PIGU: variants seen among roughly 807,000 people sequenced by gnomAD.
PIGU encodes phosphatidylinositol glycan anchor biosynthesis class U, also known as GPI-anchor transamidase component PIGU.
In PIGU, 24 loss-of-function variants were observed where a neutral mutation model predicts 49.9. The ratio of observed to expected loss-of-function variants is 0.48; its 90% CI spans 0.35 to 0.68. The LOEUF is 0.68. Ranked by LOEUF, PIGU falls within the 30% of genes least tolerant of loss-of-function variation. PIGU has a pLI of 0.01. For missense variants in PIGU, 490 were observed against 532.6 expected, an observed-to-expected ratio of 0.92 and a Z score of 0.79; for synonymous variants, 220 against 205.7, an observed-to-expected ratio of 1.07 and a Z score of -0.59.
chr20:34,666,595 A>T (rs1987102999), intron 1 of PIGU, among the ~76,000 whole-genome samples: 1 of 151,436 alleles, frequency 6.6e-6, no homozygotes. Context: ...GCAGTGGCAC[A>T]ATCAGCTCAC....
At chr20:34,652,214 A>C (rs1053893879) in intron 2 of PIGU, among the ~76,000 whole-genome samples, 1 of 152,108 alleles carries the variant, frequency 6.6e-6, no homozygotes, top group African/African-American at 2.4e-5. Context: ...TATGTTGCCC[A>C]GGCTGGTCTT....
intron 6 of PIGU, among the ~76,000 whole-genome samples, chr20:34,628,799 T>G (rs1214311149): frequency 7.2e-5 from 11 of 152,074 alleles, no homozygotes; most frequent in Non-Finnish European, 1.3e-4. Context: ...TGCAATGAAC[T>G]GAGATCATGT....
chr20:34,644,314 G>C, intron 3 of PIGU, 88 bp from the exon 4 acceptor site: 1 of 1,073,482 alleles, frequency 9.3e-7, no homozygotes, highest in Non-Finnish European at 1.4e-6. Flanking sequence ...TTTTGAGATA[G>C]TGATGGACTA....
intron 11 of PIGU, among the ~76,000 whole-genome samples, chr20:34,570,083 G>A (rs1259150274): frequency 1.3e-5 from 2 of 152,190 alleles, no homozygotes; most frequent in Non-Finnish European, 2.9e-5. Flanking sequence ...GGAAAACAAT[G>A]TAAAGGGCTG....
chr20:34,653,926 C>A (rs1322389717), intron 2 of PIGU, among the ~76,000 whole-genome samples: 1 of 151,676 alleles, frequency 6.6e-6, no homozygotes, highest in East Asian at 2.0e-4. Context: ...GGCACCATCT[C>A]GGCTCACTGC....
intron 6 of PIGU, among the ~76,000 whole-genome samples, chr20:34,632,372 C>T (rs1164190076): frequency 1.4e-5 from 2 of 144,006 alleles, no homozygotes; most frequent in African/African-American, 2.5e-5. Flanking sequence ...CTCATATACC[C>T]TTTTTTTTTT....
intron 6 of PIGU, among the ~76,000 whole-genome samples, chr20:34,621,660 G>GT (rs1243536020): frequency 6.6e-6 from 1 of 152,200 alleles, no homozygotes; most frequent in Admixed American, 6.5e-5. Context: ...GTAAAAAGGA[G>GT]TTAGGAAGGC....
At chr20:34,673,921 C>T (rs1381419459) in intron 1 of PIGU, among the ~76,000 whole-genome samples, 1 of 152,028 alleles carries the variant, frequency 6.6e-6, no homozygotes, top group East Asian at 1.9e-4. Context: ...GGCATGGTGG[C>T]ATGTGCCTGT....
At chr20:34,566,197 T>C (rs962341860) in intron 11 of PIGU, among the ~76,000 whole-genome samples, 7 of 152,246 alleles carry the variant, frequency 4.6e-5, no homozygotes, top group African/African-American at 1.4e-4. Flanking sequence ...GCTCATCTCC[T>C]GCCAGGAGTC....
intron 1 of PIGU, among the ~76,000 whole-genome samples, chr20:34,665,632 G>A (rs961560379): frequency 3.9e-5 from 6 of 151,982 alleles, no homozygotes; most frequent in East Asian, 3.9e-4. Context: ...GAGCCACCAC[G>A]CCTGGCCCAG....
intron 7 of PIGU, among the ~76,000 whole-genome samples, chr20:34,592,966 G>A (rs181775910): frequency 6.6e-6 from 1 of 151,998 alleles, no homozygotes; most frequent in East Asian, 1.9e-4. Context: ...CTTTAAAAAG[G>A]TATTTATAAT....
chr20:34,659,252 G>C (rs1439943557), intron 1 of PIGU, among the ~76,000 whole-genome samples: 4 of 106,876 alleles, frequency 3.7e-5, no homozygotes, highest in Non-Finnish European at 8.4e-5. Flanking sequence ...GGAGGGAGGT[G>C]GGGGGGTCAG....
At chr20:34,617,082 C>G (rs1600632068) in intron 6 of PIGU, among the ~76,000 whole-genome samples, 1 of 152,360 alleles carries the variant, frequency 6.6e-6, no homozygotes, top group East Asian at 1.9e-4. Context: ...AGCACTCCAG[C>G]CTGGGTGTCC....
At chr20:34,590,804 T>C (rs1325642509) in intron 7 of PIGU, among the ~76,000 whole-genome samples, 2 of 151,906 alleles carry the variant, frequency 1.3e-5, no homozygotes. Flanking sequence ...AAGCGGATCA[T>C]GAGGTCAGGA....
In PIGU at chr20:34,575,334, C is replaced by A. The variant is rs1423531246; in HGVS notation, c.1052-88G>T. 20 of 1,470,756 alleles carry A rather than the reference C, an allele frequency of 1.4e-5. No homozygotes were observed. In the African/African-American group the frequency reaches 2.4e-4, roughly 17 times the overall value. The allele number at this position is 1,470,756 out of a possible 1,614,324, so 91.1% of individuals were successfully genotyped here. On this transcript the variant is annotated intron_variant, in intron 10 of 11. Transcript: ENST00000217446. ...AATGGCCCCCCTGAATGGAGAGGCC[C>A]AAGGTGAGCATCATGTAGCTCAAAG... is the stretch of plus-strand genomic sequence containing the variant.
intron 1 of PIGU, among the ~76,000 whole-genome samples, chr20:34,659,182 C>T (rs1411571355): frequency 1.7e-4 from 23 of 135,532 alleles, no homozygotes; most frequent in Admixed American, 1.1e-3. Flanking sequence ...CCCGGCCAGC[C>T]GCCCCGTCCA....
chr20:34,620,587 G>A (rs368771797), intron 6 of PIGU, among the ~76,000 whole-genome samples: 24 of 152,082 alleles, frequency 1.6e-4, no homozygotes, highest in African/African-American at 4.6e-4. Flanking sequence ...TGAGGCGGGC[G>A]GATCACGAGG....
At chr20:34,646,061 G>C (rs1259577891) in intron 2 of PIGU, among the ~76,000 whole-genome samples, 1 of 152,058 alleles carries the variant, frequency 6.6e-6, no homozygotes, top group East Asian at 1.9e-4. Flanking sequence ...TCTCTGATAA[G>C]TTTGTATAAT....
At chr20:34,573,719 A>G (rs1278840322) in intron 11 of PIGU, among the ~76,000 whole-genome samples, 1 of 152,256 alleles carries the variant, frequency 6.6e-6, no homozygotes, top group Non-Finnish European at 1.5e-5. Flanking sequence ...AGGATATGCA[A>G]TTGAGCCCTG....
Sources: gnomAD v4.1 joint callset for allele counts (sites outside exome capture counted in the v4.1 genomes callset) on GRCh38, gnomAD v4.1.1 for gene constraint, MANE v1.5 for transcripts, NCBI Gene and HGNC (gene_info 2026-07-23, HGNC 2026-07-21) for gene names.